Variants in NEBL observed in about 807,000 individuals in gnomAD.
NEBL encodes the protein LIM and SH3 protein 2.
A neutral mutation model predicts 140.2 loss-of-function variants in NEBL; 122 were observed. The observed-to-expected ratio is 0.87, with a 90% CI of 0.75 to 1.01. The LOEUF is 1.01. Ranked by LOEUF, NEBL falls within the 50% of genes least tolerant of loss-of-function variation. NEBL has a pLI of 0.00. For synonymous variants in NEBL, 436 were observed against 398.9 expected (o/e 1.09, Z -1.11); for missense variants, 1,365 against 1,231.3 (o/e 1.11, Z -1.62).
chr10:21,056,986 TATATG>T (rs369745503), intron 2 of NEBL, among the ~76,000 whole-genome samples: 4 of 152,242 alleles, frequency 2.6e-5, no homozygotes, highest in African/African-American at 9.6e-5. Context: ...GCTTTTTGCA[TATATG>T]ATATATTTAT....
intron 4 of NEBL, among the ~76,000 whole-genome samples, chr10:20,938,795 G>A (rs186786308): frequency 0.011 from 1,615 of 152,270 alleles, 109 homozygotes; most frequent in Admixed American, 0.096. Flanking sequence ...ACGAATGCAC[G>A]AGCCTCAGTA....
chr10:20,817,979 T>C (rs142110233), intron 20 of NEBL, among the ~76,000 whole-genome samples: 3 of 152,256 alleles, frequency 2.0e-5, no homozygotes, highest in African/African-American at 7.2e-5. Flanking sequence ...TAAGGCAACA[T>C]GCTTTAAAAG....
chr10:21,119,488 T>C (rs1838427879), intron 2 of NEBL, among the ~76,000 whole-genome samples: 1 of 145,998 alleles, frequency 6.8e-6, no homozygotes, highest in Admixed American at 6.9e-5. Flanking sequence ...TATATTAATA[T>C]ACTGAATATA....
chr10:20,947,839 C>G (rs1835255316), intron 4 of NEBL, among the ~76,000 whole-genome samples: 1 of 152,186 alleles, frequency 6.6e-6, no homozygotes. Context: ...AAGAATTCAA[C>G]AAACTTACAC....
intron 3 of NEBL, among the ~76,000 whole-genome samples, chr10:21,221,911 T>G (rs10828213): frequency 0.27 from 41,366 of 151,776 alleles, 10,095 homozygotes; most frequent in African/African-American, 0.66. Context: ...CACTGAGACC[T>G]AGGTGCCCAT....
At chr10:21,187,675 T>G (rs1400370146) in intron 3 of NEBL, among the ~76,000 whole-genome samples, 13 of 151,740 alleles carry the variant, frequency 8.6e-5, no homozygotes, top group Admixed American at 8.5e-4. Flanking sequence ...CACCATGCCC[T>G]GCTAATGTTT....
rs180751425 is a variant in NEBL, at chr10:21,016,450, A to T, written c.249+3667T>A. 2.6e-3 allele frequency among the ~76,000 whole-genome samples: 403 copies of T among 152,374 alleles called. 8 individuals are homozygous for T. Among genetic ancestry groups the T allele is most frequent in the East Asian group, 7.7e-4 (4 of 5,196 alleles). On this transcript the variant is annotated intron_variant, in intron 3 of 6. Transcript: ENST00000417816. ...ACCCTCTCAGGAAGAGAGGGGGGGA[A>T]ATAAAAAGAAAAGAGAAAATTTTTT...
chr10:20,790,812 A>C (rs1478786177), intron 26 of NEBL, among the ~76,000 whole-genome samples: 1 of 152,188 alleles, frequency 6.6e-6, no homozygotes, highest in African/African-American at 2.4e-5. Context: ...CATTTGGTTC[A>C]CTGAGAATTT....
chr10:20,865,513 C>T (rs1301792156), intron 7 of NEBL, among the ~76,000 whole-genome samples: 1 of 152,110 alleles, frequency 6.6e-6, no homozygotes, highest in Non-Finnish European at 1.5e-5. Flanking sequence ...CTAGACCAAA[C>T]CATACTGCTT....
chr10:21,148,164 T>G (rs1285943568), intron 2 of NEBL, among the ~76,000 whole-genome samples: 1 of 152,178 alleles, frequency 6.6e-6, no homozygotes, highest in East Asian at 1.9e-4. Context: ...AGATGTGTGG[T>G]GGGAGAAAGT....
rs188274997 is a variant in NEBL, at chr10:21,080,224, C to A, written c.165-60023G>T. Among the ~76,000 whole-genome samples, 19 of 152,304 alleles carry A rather than the reference C, an allele frequency of 1.2e-4. No individual in the cohort carries two copies. The East Asian group carries it at 3.7e-3, about 29-fold the overall frequency. On this transcript the variant is annotated intron_variant, in intron 2 of 6. Transcript: ENST00000417816. ...GCACAACACATAGATACAACAAAAG[C>A]ATGTCATCACTTTCTAAATAGATAC...
intron 19 of NEBL, 27 bp from the exon 20 acceptor site, chr10:20,819,543 G>C: frequency 6.2e-7 from 1 of 1,613,192 alleles, no homozygotes. Flanking sequence ...AAGACAGTTT[G>C]AGATTATGGG....
At chr10:20,927,710 T>C (rs1407043526) in intron 4 of NEBL, among the ~76,000 whole-genome samples, 1 of 152,200 alleles carries the variant, frequency 6.6e-6, no homozygotes, top group Non-Finnish European at 1.5e-5. Flanking sequence ...TGGTATACAG[T>C]CCAGAGCACA....
Position 20,812,759 on chromosome 10 carries a change from G to T in NEBL, c.2518+10C>A, listed in dbSNP as rs747607700. 7 of 1,613,680 alleles carry T rather than the reference G, an allele frequency of 4.3e-6. No individual in the cohort carries two copies. Among genetic ancestry groups the T allele is most frequent in the African/African-American group, 1.3e-5 (1 of 74,980 alleles). On this transcript the variant is annotated intron_variant, in intron 24 of 27. Coordinates refer to ENST00000377122, the MANE Select transcript of NEBL (RefSeq NM_006393.3). The stretch of plus-strand genomic sequence containing the variant: ...CCACACACACCGGCCGACAAACGCC[G>T]TCAGCTTACCAACAATGATTCCAGG...
At chr10:20,877,912 C>G (rs949130782) in intron 5 of NEBL, among the ~76,000 whole-genome samples, 1 of 152,200 alleles carries the variant, frequency 6.6e-6, no homozygotes, top group African/African-American at 2.4e-5. Flanking sequence ...TCTCCTTTCT[C>G]TTTCTTTTGC....
intron 2 of NEBL, among the ~76,000 whole-genome samples, chr10:21,158,772 C>T (rs191324330): frequency 7.9e-5 from 12 of 152,210 alleles, no homozygotes; most frequent in African/African-American, 2.4e-4. Context: ...TTCTTAATGA[C>T]GTTTTGGATC....
intron 26 of NEBL, among the ~76,000 whole-genome samples, chr10:20,799,894 G>A (rs1836928996): frequency 6.6e-6 from 1 of 152,044 alleles, no homozygotes; most frequent in Non-Finnish European, 1.5e-5. Context: ...TTACTATAGT[G>A]AAGCAAATTA....
At chr10:21,288,809 C>CGT (rs76161328) in intron 1 of NEBL, among the ~76,000 whole-genome samples, 6,550 of 56,664 alleles carry the variant, frequency 0.12, 669 homozygotes, top group South Asian at 0.18. Context: ...ACAATATATA[C>CGT]GTGTGTGTGT....
intron 10 of NEBL, among the ~76,000 whole-genome samples, chr10:20,852,298 A>G (rs1484516673): frequency 6.6e-6 from 1 of 152,158 alleles, no homozygotes; most frequent in African/African-American, 2.4e-5. Flanking sequence ...TAACTTTTTA[A>G]TTATGTGAAT....
Sources: gnomAD v4.1 joint callset for allele counts (sites outside exome capture counted in the v4.1 genomes callset) on GRCh38, gnomAD v4.1.1 for gene constraint, MANE v1.5 for transcripts, NCBI Gene and HGNC (gene_info 2026-07-23, HGNC 2026-07-21) for gene names.